Variants in MAD1L1 observed in about 807,000 individuals in gnomAD.
MAD1L1 encodes mitotic spindle assembly checkpoint protein MAD1.
In MAD1L1, 95 loss-of-function variants were observed where a neutral mutation model predicts 96.9. That is an observed-to-expected ratio of 0.98 (90% confidence interval 0.83 to 1.16). The LOEUF (loss-of-function observed/expected upper bound fraction) is 1.16. Among genes scored for constraint, MAD1L1 ranks in the 50% most tolerant of loss-of-function variants. The pLI, the probability that MAD1L1 is intolerant of heterozygous loss-of-function variation, is 0.00. For synonymous variants in MAD1L1, 473 were observed against 396.6 expected, an observed-to-expected ratio of 1.19 and a Z score of -2.29; for missense variants, 1,007 against 954.4, an observed-to-expected ratio of 1.06 and a Z score of -0.73.
At chr7:1,875,724 G>C (rs771073137) in intron 18 of MAD1L1, among the ~76,000 whole-genome samples, 1 of 152,254 alleles carries the variant, frequency 6.6e-6, no homozygotes, top group Non-Finnish European at 1.5e-5. Flanking sequence ...GCACAGACGT[G>C]TGCGAACATC....
At chr7:1,854,418 CAG>C in intron 18 of MAD1L1, 1 of 457,844 alleles carries the variant, frequency 2.2e-6, no homozygotes, top group Non-Finnish European at 4.4e-6. Context: ...GGCTCGTAAA[CAG>C]AGTTCACTTC....
chr7:1,919,601 C>T (rs1421625393), intron 17 of MAD1L1, among the ~76,000 whole-genome samples: 1 of 152,244 alleles, frequency 6.6e-6, no homozygotes, highest in African/African-American at 2.4e-5. Context: ...GCTCAGGCCA[C>T]AGCCGCCATC....
chr7:1,979,994 ACC>A (rs1005624589), intron 15 of MAD1L1, among the ~76,000 whole-genome samples: 3 of 152,126 alleles, frequency 2.0e-5, no homozygotes, highest in African/African-American at 7.2e-5. Flanking sequence ...GCAGAGAGGA[ACC>A]TAGGTGGATG....
At chr7:2,230,372 A>C in intron 2 of MAD1L1, 177 bp downstream of exon 2, 1 of 458,318 alleles carries the variant, frequency 2.2e-6, no homozygotes, top group Non-Finnish European at 4.0e-6. Context: ...CCAGCAAGCC[A>C]CCAATTGAGT....
intron 18 of MAD1L1, among the ~76,000 whole-genome samples, chr7:1,871,443 ACCTGCCACGCTGAACCCAACATATG>A (rs1583613074): frequency 1.7e-5 from 2 of 116,578 alleles, no homozygotes; most frequent in African/African-American, 6.6e-5. Context: ...CCACCGTAAC[ACCTGCCACGCTGAACCCAACATATG>A]CCTGCCACGC....
At chr7:1,867,518 G>A (rs1005206560) in intron 18 of MAD1L1, among the ~76,000 whole-genome samples, 5 of 152,270 alleles carry the variant, frequency 3.3e-5, no homozygotes, top group Non-Finnish European at 7.3e-5. Flanking sequence ...AGCGGGCCAT[G>A]CATCCCACTG....
chr7:2,154,073 T>C (rs1789707605), intron 10 of MAD1L1, among the ~76,000 whole-genome samples: 2 of 152,190 alleles, frequency 1.3e-5, no homozygotes, highest in African/African-American at 2.4e-5. Flanking sequence ...GGAGAATCAC[T>C]TGAACCAGGG....
rs190696536 is a variant in MAD1L1, at chr7:1,997,911, C to T, written c.1416+4154G>A. Among the ~76,000 whole-genome samples the T allele has an allele frequency of 4.6e-5, 7 of 152,314 alleles. No individual in the cohort carries two copies. The East Asian group carries it at 1.2e-3, about 25-fold the overall frequency. ...GAGCCCTGCGGCTCCAAACAAAGGA[C>T]GGGGCCAGGAACAGGAGCTCAACCC... On this transcript the variant is annotated intron_variant, in intron 14 of 18. Coordinates refer to ENST00000265854, the MANE Select transcript of MAD1L1 (RefSeq NM_001013836.2).
At chr7:1,843,910 G>A (rs1472786433) in intron 18 of MAD1L1, among the ~76,000 whole-genome samples, 1 of 152,210 alleles carries the variant, frequency 6.6e-6, no homozygotes, top group African/African-American at 2.4e-5. Context: ...TTCCACTTCA[G>A]CCACGGCCAC....
Position 2,088,614 on chromosome 7 carries a change from G to A in MAD1L1, c.1074-19276C>T, listed in dbSNP as rs1427046317. On this transcript the variant is annotated intron_variant, in intron 11 of 18. Transcript: ENST00000265854. The surrounding 1 kb of genome is among the most constrained non-coding windows in gnomAD (Gnocchi z 4.4). ...CAGCCTGGGGCACTCCCAGCACTCA[G>A]CAGTGGCCATGAGCGAGAGGCAGCA... 1.3e-5 allele frequency among the ~76,000 whole-genome samples: 2 copies of A among 152,222 alleles called. No individual in the cohort carries two copies. Among genetic ancestry groups the A allele is most frequent in the East Asian group, 3.9e-4 (2 of 5,194 alleles).
intron 12 of MAD1L1, among the ~76,000 whole-genome samples, chr7:2,026,663 G>A (rs757333969): frequency 1.8e-4 from 27 of 152,064 alleles, no homozygotes; most frequent in Non-Finnish European, 2.8e-4. Context: ...CCAGATGTTG[G>A]GAATTTGAGA....
intron 12 of MAD1L1, among the ~76,000 whole-genome samples, chr7:2,063,995 A>G (rs1784772378): frequency 6.6e-6 from 1 of 152,160 alleles, no homozygotes; most frequent in South Asian, 2.1e-4. Context: ...GATGGACCAG[A>G]AGGGGGCCTG....
At chr7:1,863,096 C>T (rs1337988319) in intron 18 of MAD1L1, among the ~76,000 whole-genome samples, 3 of 152,262 alleles carry the variant, frequency 2.0e-5, no homozygotes, top group Non-Finnish European at 2.9e-5. Flanking sequence ...CTCCATCCAA[C>T]CCCCCAACCA....
At chr7:1,857,218 T>A (rs921823017) in intron 18 of MAD1L1, among the ~76,000 whole-genome samples, 5 of 152,116 alleles carry the variant, frequency 3.3e-5, no homozygotes, top group Non-Finnish European at 7.4e-5. Context: ...GAGGATTTCA[T>A]CAGCAGCCCC....
At chr7:1,888,202 CT>C (rs1424543237) in intron 18 of MAD1L1, among the ~76,000 whole-genome samples, 15 of 149,336 alleles carry the variant, frequency 1.0e-4, no homozygotes, top group African/African-American at 3.7e-4. Context: ...ATGTATGTGG[CT>C]GCCTGTGCAT....
Position 2,230,006 on chromosome 7 carries a change from A to C in MAD1L1, c.128T>G (p.Met43Arg). 6.2e-7 allele frequency: 1 copy of C among 1,613,230 alleles called. No homozygotes were observed. Among genetic ancestry groups the C allele is most frequent in the Non-Finnish European group, 8.5e-7 (1 of 1,180,012 alleles). The change falls in exon 3 of 19, where the codon ATG becomes AGG. Residue 43 changes from methionine (M) to arginine (R), a missense_variant. Transcript: ENST00000265854. ...ISTSAPGSLQ[M>R]QYQQSMQLEE... is the part of the protein sequence containing the mutation. ...CACCTGCATGCTCTGCTGGTACTGC[A>C]TCTGCAGAGAACCTGGGGCCGAGGT... is the stretch of plus-strand genomic sequence containing the variant.
At chr7:2,165,539 A>C (rs1452568174) in intron 10 of MAD1L1, among the ~76,000 whole-genome samples, 1 of 152,196 alleles carries the variant, frequency 6.6e-6, no homozygotes, top group Non-Finnish European at 1.5e-5. Flanking sequence ...CCCTCTGCAG[A>C]GCGGGAAGAA....
chr7:1,949,485 G>A (rs1342722869), intron 16 of MAD1L1, among the ~76,000 whole-genome samples: 1 of 152,166 alleles, frequency 6.6e-6, no homozygotes, highest in Non-Finnish European at 1.5e-5. Flanking sequence ...CCAGGCCATG[G>A]GCAGGCTCCA....
At chr7:2,033,050 C>G (rs1303438705) in intron 12 of MAD1L1, among the ~76,000 whole-genome samples, 1 of 152,252 alleles carries the variant, frequency 6.6e-6, no homozygotes, top group Non-Finnish European at 1.5e-5. Context: ...GGACACCCAG[C>G]TGACGCTGCC....
Sources: allele counts gnomAD v4.1 joint callset (sites outside exome capture counted in the v4.1 genomes callset), GRCh38; gene constraint gnomAD v4.1.1; non-coding constraint Gnocchi (gnomAD v3.1); transcripts MANE v1.5; gene names NCBI Gene and HGNC (gene_info 2026-07-23, HGNC 2026-07-21).